The following PDHX variants were observed in gnomAD, a reference collection of about 807,000 sequenced individuals.
The protein encoded by PDHX is pyruvate dehydrogenase protein X component, mitochondrial.
PDHX carries 33 observed loss-of-function variants against 55.3 expected under a neutral mutation model. That is an observed-to-expected ratio of 0.60 (90% CI 0.45 to 0.80). The LOEUF (loss-of-function observed/expected upper bound fraction) is 0.80. Among genes scored for constraint, PDHX ranks in the 30% least tolerant of loss-of-function variants. The pLI, the probability that PDHX is intolerant of heterozygous loss-of-function variation, is 0.00. For missense variants in PDHX, 622 were observed against 619.9 expected (o/e 1.00, Z -0.04); for synonymous variants, 226 against 219.4 (o/e 1.03, Z -0.27).
At chr11:34,972,046 C>T (rs540588081) in intron 7 of PDHX, among the ~76,000 whole-genome samples, 1 of 152,006 alleles carries the variant, frequency 6.6e-6, no homozygotes, top group East Asian at 1.9e-4. Context: ...CCTTATTATA[C>T]TGTCATTTTA....
intron 3 of PDHX, among the ~76,000 whole-genome samples, chr11:34,950,398 A>C (rs1358257429): frequency 1.3e-5 from 2 of 150,034 alleles, no homozygotes; most frequent in African/African-American, 4.9e-5. Context: ...ATTATACTTT[A>C]AGTTTTATGG....
At chr11:34,918,532 T>A (rs1363662306) in intron 1 of PDHX, among the ~76,000 whole-genome samples, 1 of 152,184 alleles carries the variant, frequency 6.6e-6, no homozygotes, top group Admixed American at 6.5e-5. Context: ...CATGATGCTT[T>A]TTTACCTATT....
At chr11:34,983,024 A>G (rs892668668) in intron 8 of PDHX, among the ~76,000 whole-genome samples, 35 of 152,366 alleles carry the variant, frequency 2.3e-4, no homozygotes, top group Admixed American at 1.4e-3. Flanking sequence ...AACATCCTCA[A>G]TAACATACTG....
In PDHX at chr11:34,916,664, C is replaced by T. The variant is rs778335059; in HGVS notation, c.9C>T (p.Ala3=). The change falls in exon 1 of 11, where the codon GCC becomes GCT. Residue 3 remains alanine, a synonymous_variant. Transcript: ENST00000227868. Reference sequence around the variant, plus strand: ...GTGAGAAGGCCGTCAAGATGGCGGCCTCCTGGAGGCTGGGCTGTGATCCGC... The same window carrying T: ...GTGAGAAGGCCGTCAAGATGGCGGCTTCCTGGAGGCTGGGCTGTGATCCGC... The part of the protein sequence containing the change: MA[A]SWRLGCDPRL... The T allele has an allele frequency of 1.2e-6, 2 of 1,609,706 alleles. No homozygotes were observed. The highest frequency in any genetic ancestry group is 2.2e-5 in the East Asian group (1 of 44,872).
intron 1 of PDHX, among the ~76,000 whole-genome samples, chr11:34,919,322 C>A (rs1853817137): frequency 6.6e-6 from 1 of 152,152 alleles, no homozygotes; most frequent in African/African-American, 2.4e-5. Flanking sequence ...TTGGTAGAAA[C>A]TGTAGTTTTA....
upstream of PDHX, chr11:34,916,236 C>T (rs1853687852): frequency 6.2e-7 from 1 of 1,611,902 alleles, no homozygotes; most frequent in Non-Finnish European, 8.5e-7. Flanking sequence ...ACCTGCGCGC[C>T]GCATCTCCGG....
At chr11:34,916,055 G>T, upstream of PDHX, 1 of 839,758 alleles carries the variant, frequency 1.2e-6, no homozygotes, top group Non-Finnish European at 1.8e-6. Flanking sequence ...GGGCCTCGCA[G>T]CCTTGCTTCC....
At chr11:34,986,804 G>A (rs1855655172) in intron 9 of PDHX, among the ~76,000 whole-genome samples, 1 of 152,114 alleles carries the variant, frequency 6.6e-6, no homozygotes. Context: ...CGGGCCTTGG[G>A]CATTTCCTGT....
chr11:34,940,449 G>A (rs1040833063), intron 2 of PDHX, among the ~76,000 whole-genome samples: 1 of 152,132 alleles, frequency 6.6e-6, no homozygotes, highest in Admixed American at 6.5e-5. Flanking sequence ...CTTTGGTTCC[G>A]TTATTTCTGG....
At chr11:34,960,879 T>A (rs1855010328) in intron 5 of PDHX, among the ~76,000 whole-genome samples, 1 of 152,178 alleles carries the variant, frequency 6.6e-6, no homozygotes, top group Admixed American at 6.5e-5. Flanking sequence ...TAAAAAATTA[T>A]TTTCATTATC....
At chr11:34,941,758 A>G (rs1854489971) in intron 2 of PDHX, 1 of 154,378 alleles carries the variant, frequency 6.5e-6, no homozygotes, top group Non-Finnish European at 1.5e-5. Context: ...TAGAATTTAA[A>G]AAGAGAAAGG....
At chr11:34,920,050 C>A (rs76507564) in intron 1 of PDHX, among the ~76,000 whole-genome samples, 3,426 of 152,262 alleles carry the variant, frequency 0.023, 71 homozygotes, top group South Asian at 0.077. Context: ...ATATATAAGG[C>A]AGCTTCTTAG....
intron 2 of PDHX, among the ~76,000 whole-genome samples, chr11:34,940,272 C>A (rs901808632): frequency 5.9e-5 from 9 of 152,094 alleles, no homozygotes; most frequent in African/African-American, 2.2e-4. Context: ...TGCGGTATTC[C>A]TTATGTCATG....
At chr11:34,989,178 G>A (rs758871287) in intron 9 of PDHX, among the ~76,000 whole-genome samples, 14 of 152,284 alleles carry the variant, frequency 9.2e-5, no homozygotes, top group East Asian at 1.9e-4. Flanking sequence ...ACAATGGTAC[G>A]TATTTGTGTG....
At chr11:34,948,317 G>A (rs2133963578) in intron 3 of PDHX, among the ~76,000 whole-genome samples, 2 of 152,200 alleles carry the variant, frequency 1.3e-5, no homozygotes, top group Middle Eastern at 6.8e-3. Flanking sequence ...GTATTGGTTG[G>A]TTGCAACTGG....
chr11:34,982,364 A>G (rs1030964995), intron 8 of PDHX, among the ~76,000 whole-genome samples: 4 of 152,198 alleles, frequency 2.6e-5, no homozygotes, highest in Non-Finnish European at 4.4e-5. Context: ...TAAAAGAACT[A>G]GAGAAGCAAG....
chr11:34,932,968 G>T (rs1854214489), intron 2 of PDHX, among the ~76,000 whole-genome samples: 1 of 152,146 alleles, frequency 6.6e-6, no homozygotes, highest in East Asian at 1.9e-4. Flanking sequence ...GTACAGACAA[G>T]TGAGTATAGT....
At chr11:34,985,917 G>A (rs1409091332) in intron 9 of PDHX, among the ~76,000 whole-genome samples, 1 of 152,160 alleles carries the variant, frequency 6.6e-6, no homozygotes, top group African/African-American at 2.4e-5. Context: ...ATAATTAAAG[G>A]TGAACCTACT....
chr11:34,920,220 A>G (rs1039290300), intron 1 of PDHX, among the ~76,000 whole-genome samples: 6 of 152,216 alleles, frequency 3.9e-5, no homozygotes, highest in Non-Finnish European at 7.4e-5. Flanking sequence ...CTTTCAGAGT[A>G]GGTAGCATGA....
Sources: gnomAD v4.1 joint callset for allele counts (sites outside exome capture counted in the v4.1 genomes callset) on GRCh38, gnomAD v4.1.1 for gene constraint, MANE v1.5 for transcripts, NCBI Gene and HGNC (gene_info 2026-07-23, HGNC 2026-07-21) for gene names.